The following CADM2 variants were observed in gnomAD, a reference collection of about 807,000 sequenced individuals.
CADM2 encodes immunoglobulin superfamily member 4D.
In CADM2, 12 loss-of-function variants were observed where a neutral mutation model predicts 49.8. The ratio of observed to expected loss-of-function variants is 0.24; its 90% CI spans 0.15 to 0.39. CADM2 has a LOEUF of 0.39. CADM2 is among the 10% of genes least tolerant of loss of function. The pLI, the probability that CADM2 is intolerant of heterozygous loss-of-function variation, is 1.00. For synonymous variants in CADM2, 214 were observed against 175.4 expected (o/e 1.22, Z -1.74); for missense variants, 378 against 492.3 (o/e 0.77, Z 2.20).
intron 3 of CADM2, among the ~76,000 whole-genome samples, chr3:85,860,783 G>C (rs942867808): frequency 2.0e-5 from 3 of 152,068 alleles, no homozygotes; most frequent in African/African-American, 7.2e-5. Flanking sequence ...TGGAGGAAGG[G>C]GGACACAAAC....
intron 1 of CADM2, among the ~76,000 whole-genome samples, chr3:84,983,985 T>C (rs1038651428): frequency 1.3e-5 from 2 of 151,794 alleles, no homozygotes; most frequent in African/African-American, 4.8e-5. Flanking sequence ...CCCAGTATTT[T>C]AAATCACTTT....
intron 1 of CADM2, among the ~76,000 whole-genome samples, chr3:85,518,006 G>A (rs1381461646): frequency 6.6e-6 from 1 of 152,026 alleles, no homozygotes; most frequent in Non-Finnish European, 1.5e-5. Context: ...ATTCAGCTAT[G>A]TTTTCTTTTT....
At position 85,260,230 on chromosome 3, in the gene CADM2, T is replaced by C. The variant is rs117566185; in HGVS notation, c.61+300562T>C. Among the ~76,000 whole-genome samples, 15 of 152,152 alleles carry C rather than the reference T, an allele frequency of 9.9e-5. No homozygotes were observed. In the East Asian group the frequency reaches 2.9e-3, roughly 29 times the overall value. On this transcript the variant is annotated intron_variant, in intron 1 of 9. Coordinates refer to ENST00000383699, the MANE Select transcript of CADM2 (RefSeq NM_001167675.2). ...GTAATTTTAGTTTGACTTATTAATT[T>C]GTATATAATAATAAAGCAAAAGCCT...
chr3:86,074,082 A>G lies in CADM2; in HGVS notation c.*7299A>G, dbSNP rs565762837. ...ATTTTACATTCACTTATGTGTGTTT[A>G]CTAATGTTGAGTAGGAACAGAAGCA... On this transcript the variant is annotated 3_prime_UTR_variant, in exon 10 of 10. Transcript: ENST00000383699. The G allele has an allele frequency of 2.0e-5, 3 of 152,132 alleles. No homozygotes were observed. In the East Asian group the frequency reaches 5.8e-4, roughly 29 times the overall value. The allele number at this position is 152,132 out of a possible 1,614,324, so 9.4% of individuals were successfully genotyped here.
chr3:84,959,337 C>T lies in CADM2; in HGVS notation c.-271C>T. 1 of 561,848 alleles carries T rather than the reference C, an allele frequency of 1.8e-6. No homozygotes were observed. The highest frequency in any genetic ancestry group is 4.8e-4 in the Middle Eastern group (1 of 2,064). 34.8% of individuals were successfully genotyped at this position (561,848 alleles called of 1,614,324 possible). A position where few individuals can be genotyped will look rare whatever the true frequency, so the allele number is the denominator to read the frequency against. On this transcript the variant is annotated 5_prime_UTR_variant, in exon 1 of 10. Transcript: ENST00000383699. Reference sequence around the variant, plus strand: ...CGAGAGGAAGGCAAGCTCCAAACCCCTGCCTGGAAGACGGGCTGTCGCGGC... The same window carrying T: ...CGAGAGGAAGGCAAGCTCCAAACCCTTGCCTGGAAGACGGGCTGTCGCGGC...
chr3:85,137,359 G>A (rs77016639), intron 1 of CADM2, among the ~76,000 whole-genome samples: 2,667 of 151,790 alleles, frequency 0.018, 151 homozygotes, highest in Admixed American at 0.09. Flanking sequence ...TTGCAGGTCC[G>A]TGGTGGTTTA....
intron 1 of CADM2, among the ~76,000 whole-genome samples, chr3:85,442,785 T>C (rs1263326739): frequency 6.6e-6 from 1 of 151,216 alleles, no homozygotes; most frequent in Non-Finnish European, 1.5e-5. Flanking sequence ...ACAACCTGCA[T>C]GAATATTTTG....
intron 1 of CADM2, among the ~76,000 whole-genome samples, chr3:85,032,060 C>A (rs4499618): frequency 6.6e-6 from 1 of 151,904 alleles, no homozygotes; most frequent in Non-Finnish European, 1.5e-5. Context: ...CAGGATGTTT[C>A]TCTTTCTATC....
chr3:85,245,469 A>G (rs373226892), intron 1 of CADM2, among the ~76,000 whole-genome samples: 3 of 151,434 alleles, frequency 2.0e-5, no homozygotes, highest in Non-Finnish European at 2.9e-5. Context: ...CCGAGATTGC[A>G]CCACTGCACT....
chr3:85,379,426 G>C (rs908013340), intron 1 of CADM2, among the ~76,000 whole-genome samples: 2 of 151,926 alleles, frequency 1.3e-5, no homozygotes, highest in African/African-American at 2.4e-5. Flanking sequence ...GTAAAGGTCA[G>C]GTGTTTCATT....
intron 5 of CADM2, among the ~76,000 whole-genome samples, chr3:85,895,500 T>C (rs1191591628): frequency 6.6e-6 from 1 of 152,212 alleles, no homozygotes; most frequent in Non-Finnish European, 1.5e-5. Flanking sequence ...TTGTCTCAGA[T>C]GAGACTTTAG....
intron 1 of CADM2, among the ~76,000 whole-genome samples, chr3:85,148,389 T>C (rs1165224855): frequency 6.6e-6 from 1 of 152,200 alleles, no homozygotes; most frequent in African/African-American, 2.4e-5. Flanking sequence ...AATTAAAAAA[T>C]CTTTCCAGTT....
chr3:85,145,891 C>T (rs977070739), intron 1 of CADM2, among the ~76,000 whole-genome samples: 2 of 152,016 alleles, frequency 1.3e-5, no homozygotes, highest in East Asian at 3.9e-4. Context: ...GTTAACACGG[C>T]AATGGTAGAA....
At chr3:84,968,374 A>G (rs916079400) in intron 1 of CADM2, among the ~76,000 whole-genome samples, 6 of 152,058 alleles carry the variant, frequency 3.9e-5, no homozygotes, top group South Asian at 2.1e-4. Context: ...GTGATATTCA[A>G]TGTGCCTTAA....
chr3:85,854,866 A>G (rs2075248457), intron 3 of CADM2, among the ~76,000 whole-genome samples: 1 of 152,100 alleles, frequency 6.6e-6, no homozygotes, highest in Non-Finnish European at 1.5e-5. Flanking sequence ...CTCCTTGTTT[A>G]TTTTCCATTT....
intron 3 of CADM2, among the ~76,000 whole-genome samples, chr3:85,814,116 A>G (rs578118367): frequency 2.6e-5 from 4 of 152,206 alleles, no homozygotes; most frequent in African/African-American, 9.6e-5. Context: ...CATTGAATCT[A>G]TAAAATTACT....
chr3:85,162,098 G>T (rs1024258751), intron 1 of CADM2, among the ~76,000 whole-genome samples: 2 of 149,676 alleles, frequency 1.3e-5, no homozygotes, highest in African/African-American at 5.0e-5. Flanking sequence ...TATTGATTGG[G>T]TTCATTATAT....
chr3:85,043,135 G>T (rs944884298), intron 1 of CADM2, among the ~76,000 whole-genome samples: 1 of 151,988 alleles, frequency 6.6e-6, no homozygotes, highest in African/African-American at 2.4e-5. Flanking sequence ...AACTTTATTT[G>T]TACAGATCCA....
intron 6 of CADM2, among the ~76,000 whole-genome samples, chr3:85,927,030 G>A (rs185202206): frequency 1.9e-3 from 283 of 152,184 alleles, no homozygotes; most frequent in African/African-American, 5.9e-3. Flanking sequence ...AGCATGTTTC[G>A]TATTCTGTAC....
Sources: gnomAD v4.1 joint callset for allele counts (sites outside exome capture counted in the v4.1 genomes callset) on GRCh38, gnomAD v4.1.1 for gene constraint, MANE v1.5 for transcripts, NCBI Gene and HGNC (gene_info 2026-07-23, HGNC 2026-07-21) for gene names.